The following SAMD12 variants were observed in gnomAD, a reference collection of about 807,000 sequenced individuals.
The protein encoded by SAMD12 is sterile alpha motif domain containing 12.
A neutral mutation model predicts 15.0 loss-of-function variants in SAMD12; 9 were observed. The ratio of observed to expected loss-of-function variants is 0.60; its 90% CI spans 0.36 to 1.05. The LOEUF (loss-of-function observed/expected upper bound fraction) is 1.05. Among genes scored for constraint, SAMD12 ranks in the 50% least tolerant of loss-of-function variants. The pLI is 0.01. For missense variants in SAMD12, 230 were observed against 234.2 expected, an observed-to-expected ratio of 0.98 and a Z score of 0.12; for synonymous variants, 86 against 90.1, an observed-to-expected ratio of 0.96 and a Z score of 0.25.
At chr8:118,592,722 A>G (rs1297865159) in intron 1 of SAMD12, among the ~76,000 whole-genome samples, 3 of 152,224 alleles carry the variant, frequency 2.0e-5, no homozygotes, top group African/African-American at 7.2e-5. Context: ...TCATTTGTAC[A>G]TACATCTGCA....
intron 4 of SAMD12, among the ~76,000 whole-genome samples, chr8:118,294,452 G>A (rs1205159485): frequency 1.3e-5 from 2 of 152,188 alleles, no homozygotes; most frequent in Admixed American, 1.3e-4. Flanking sequence ...TCACCAGTCG[G>A]GTTGGGAGTG....
chr8:118,294,903 T>A (rs1814626195), intron 4 of SAMD12, among the ~76,000 whole-genome samples: 1 of 152,180 alleles, frequency 6.6e-6, no homozygotes, highest in Non-Finnish European at 1.5e-5. Flanking sequence ...GGATGTATTT[T>A]ACTCTGTGTG....
At chr8:118,316,301 G>A (rs911374455) in intron 4 of SAMD12, among the ~76,000 whole-genome samples, 2 of 149,814 alleles carry the variant, frequency 1.3e-5, no homozygotes, top group African/African-American at 4.9e-5. Context: ...TTGGGAGGCT[G>A]AGGCAGGCGG....
At chr8:118,222,860 T>C (rs2129878640) in intron 4 of SAMD12, among the ~76,000 whole-genome samples, 1 of 152,242 alleles carries the variant, frequency 6.6e-6, no homozygotes, top group South Asian at 2.1e-4. Context: ...GTTATGATCA[T>C]AATCACTGCA....
chr8:118,363,226 T>C (rs1818590718), intron 4 of SAMD12, among the ~76,000 whole-genome samples: 1 of 152,182 alleles, frequency 6.6e-6, no homozygotes. Flanking sequence ...ATGGTTAATT[T>C]TGTGTGTCAG....
At chr8:118,158,998 G>C in the SAMD12 span, among the ~76,000 whole-genome samples, 1 of 152,062 alleles carries the variant, frequency 6.6e-6, no homozygotes, top group Admixed American at 6.5e-5. Context: ...TGCGGGACAA[G>C]AACTCGGGAC....
At chr8:118,413,049 G>C (rs1282057632) in intron 3 of SAMD12, among the ~76,000 whole-genome samples, 4 of 152,112 alleles carry the variant, frequency 2.6e-5, no homozygotes, top group Non-Finnish European at 4.4e-5. Context: ...GTCTGCTGGA[G>C]GGCAAGAAGC....
intron 2 of SAMD12, among the ~76,000 whole-genome samples, chr8:118,512,402 A>G (rs1463551103): frequency 6.6e-6 from 1 of 151,650 alleles, no homozygotes; most frequent in Non-Finnish European, 1.5e-5. Context: ...TATCTATTTT[A>G]TGATTGCATA....
intron 1 of SAMD12, among the ~76,000 whole-genome samples, chr8:118,594,049 G>A (rs1034037704): frequency 1.2e-4 from 18 of 152,132 alleles, no homozygotes; most frequent in Non-Finnish European, 7.4e-5. Context: ...ACAAATCACA[G>A]TTATTTTCTT....
At chr8:118,520,794 T>C (rs984333776) in intron 2 of SAMD12, among the ~76,000 whole-genome samples, 8 of 151,226 alleles carry the variant, frequency 5.3e-5, no homozygotes, top group African/African-American at 1.5e-4. Context: ...CTTTTTTTCA[T>C]TGATTTAGAA....
intron 4 of SAMD12, among the ~76,000 whole-genome samples, chr8:118,359,193 T>G (rs1298211304): frequency 6.6e-6 from 1 of 152,080 alleles, no homozygotes; most frequent in Non-Finnish European, 1.5e-5. Flanking sequence ...TAAAATGAGG[T>G]CATTAGGATA....
chr8:118,478,032 AG>A (rs374472101), intron 2 of SAMD12, among the ~76,000 whole-genome samples: 507 of 150,032 alleles, frequency 3.4e-3, no homozygotes, highest in Non-Finnish European at 5.8e-3. Flanking sequence ...AAAAAAAAAA[AG>A]AATTATATAT....
intron 4 of SAMD12, among the ~76,000 whole-genome samples, chr8:118,355,404 G>A (rs919196981): frequency 6.6e-6 from 1 of 152,152 alleles, no homozygotes; most frequent in Non-Finnish European, 1.5e-5. Flanking sequence ...GGAGATAAAA[G>A]ACTGGGTTCA....
In SAMD12 at chr8:118,477,700, G is replaced by T. The variant is rs370459368; in HGVS notation, c.193-37739C>A. On this transcript the variant is annotated intron_variant, in intron 2 of 3. Transcript: ENST00000314727. Reference sequence around the variant, plus strand: ...ATTCCCACGTGGATTCTACAATACTGGCTGTGGGGACCGAAAATTCTGACA... The same window carrying T: ...ATTCCCACGTGGATTCTACAATACTTGCTGTGGGGACCGAAAATTCTGACA... Among the ~76,000 whole-genome samples, 7 of 152,174 alleles carry T rather than the reference G, an allele frequency of 4.6e-5. 1 individual carries two copies. Among genetic ancestry groups the T allele is most frequent in the African/African-American group, 1.7e-4 (7 of 41,516 alleles).
chr8:118,170,553 C>T, the SAMD12 span, among the ~76,000 whole-genome samples: 173 of 152,094 alleles, frequency 1.1e-3, 2 homozygotes, highest in African/African-American at 2.9e-3. Flanking sequence ...TTGATTTTGA[C>T]GAGGATGCCA....
intron 1 of SAMD12, among the ~76,000 whole-genome samples, chr8:118,599,491 G>C (rs141156233): frequency 6.6e-6 from 1 of 152,146 alleles, no homozygotes; most frequent in African/African-American, 2.4e-5. Flanking sequence ...GCCCAGGTGC[G>C]GAGCGCTGCT....
intron 4 of SAMD12, among the ~76,000 whole-genome samples, chr8:118,208,521 C>T (rs1046118816): frequency 6.6e-6 from 1 of 152,186 alleles, no homozygotes; most frequent in Non-Finnish European, 1.5e-5. Flanking sequence ...GCTACTGGCA[C>T]TGGCTACTCC....
chr8:118,510,445 T>C (rs1459413114), intron 2 of SAMD12, among the ~76,000 whole-genome samples: 1 of 152,246 alleles, frequency 6.6e-6, no homozygotes, highest in African/African-American at 2.4e-5. Context: ...ACATGTTTTA[T>C]AGAGGTTTCT....
At chr8:118,508,141 G>T (rs1383606084) in intron 2 of SAMD12, among the ~76,000 whole-genome samples, 1 of 151,032 alleles carries the variant, frequency 6.6e-6, no homozygotes, top group Non-Finnish European at 1.5e-5. Context: ...CTACAGGTGT[G>T]AGCCACTGTG....
Sources: gnomAD v4.1 joint callset for allele counts (sites outside exome capture counted in the v4.1 genomes callset) on GRCh38, gnomAD v4.1.1 for gene constraint, MANE v1.5 for transcripts, NCBI Gene and HGNC (gene_info 2026-07-23, HGNC 2026-07-21) for gene names.